FRMPD4: variants seen among roughly 807,000 people sequenced by gnomAD.
The protein encoded by FRMPD4 is FERM and PDZ domain containing 4.
In FRMPD4, 22 loss-of-function variants were observed where a neutral mutation model predicts 94.1. The observed-to-expected ratio is 0.23, with a 90% confidence interval of 0.17 to 0.33. The LOEUF (loss-of-function observed/expected upper bound fraction) is 0.33, where lower values mean the gene tolerates loss of function less well. FRMPD4 is among the 10% of genes least tolerant of loss of function. The pLI is 1.00. For synonymous variants in FRMPD4, 631 were observed against 548.6 expected (o/e 1.15, Z -2.10); for missense variants, 1,111 against 1,339.9 (o/e 0.83, Z 2.67).
chrX:12,002,385 G>C (rs972743207), intron 3 of FRMPD4, among the ~76,000 whole-genome samples: 3 of 111,730 alleles, frequency 2.7e-5, no homozygotes, highest in Admixed American at 9.5e-5. Flanking sequence ...AAATGTGGTA[G>C]CATTATTCCT....
intron 14 of FRMPD4, 71 bp from the exon 15 acceptor site, chrX:12,715,998 G>GCCGGGGGCCC: frequency 1.3e-5 from 5 of 383,857 alleles, no homozygotes; most frequent in East Asian, 4.2e-5. Flanking sequence ...ACAGAGACGA[G>GCCGGGGGCCC]CCTCCCACCC....
At chrX:11,885,870 T>A (rs913718136) in intron 3 of FRMPD4, among the ~76,000 whole-genome samples, 1 of 112,074 alleles carries the variant, frequency 8.9e-6, no homozygotes, top group African/African-American at 3.2e-5. Context: ...CTTAGCAGCA[T>A]AACCCCATAG....
intron 3 of FRMPD4, among the ~76,000 whole-genome samples, chrX:12,072,438 G>T (rs2054977257): frequency 9.0e-6 from 1 of 111,650 alleles, no homozygotes; most frequent in African/African-American, 3.3e-5. Flanking sequence ...CACCCGTACT[G>T]TATGTTGCTC....
chrX:12,110,549 A>G (rs1215153450), intron 3 of FRMPD4, among the ~76,000 whole-genome samples: 1 of 111,466 alleles, frequency 9.0e-6, no homozygotes, highest in Non-Finnish European at 1.9e-5. Flanking sequence ...TACTCAACAT[A>G]GTGTTGGAAG....
chrX:12,640,358 C>T (rs780196655), intron 4 of FRMPD4, among the ~76,000 whole-genome samples: 62 of 104,663 alleles, frequency 5.9e-4, no homozygotes, highest in African/African-American at 1.5e-3. Flanking sequence ...AGGAAGTAGT[C>T]GAAAGGCTTA....
intron 2 of FRMPD4, among the ~76,000 whole-genome samples, chrX:12,574,291 C>T (rs2058787800): frequency 1.8e-5 from 2 of 112,376 alleles, no homozygotes; most frequent in Admixed American, 1.9e-4. Flanking sequence ...TGAGCCACCA[C>T]ACCTGGCCTA....
chrX:11,933,706 G>A (rs1193775842), intron 3 of FRMPD4, among the ~76,000 whole-genome samples: 2 of 111,988 alleles, frequency 1.8e-5, no homozygotes, highest in Admixed American at 9.5e-5. Flanking sequence ...GATTGAAACC[G>A]AGTTTCCAAA....
chrX:11,877,037 C>G (rs1007742961), intron 2 of FRMPD4, among the ~76,000 whole-genome samples: 1 of 111,808 alleles, frequency 8.9e-6, no homozygotes, highest in Admixed American at 9.5e-5. Context: ...TCAATAACGT[C>G]AAGGTTGAGA....
chrX:11,878,868 C>A (rs993737892), intron 3 of FRMPD4, among the ~76,000 whole-genome samples: 6 of 111,780 alleles, frequency 5.4e-5, no homozygotes, highest in Non-Finnish European at 1.9e-5. Context: ...AGTGTTTAAG[C>A]AGGGCAATAC....
rs143442393 is a variant in FRMPD4, at chrX:12,717,850, T to G, written c.3024T>G (p.Thr1008=). Residue 1008 remains threonine, a synonymous_variant, in exon 16 of 17, where the codon ACT becomes ACG. Transcript: ENST00000675598. ...AAACTATGGAGACTAAGTCGGTCAC[T>G]GACTATTTTAGCAAACTGCACATGG... ...EPETMETKSV[T]DYFSKLHMGS... 38 of 1,209,604 alleles carry G rather than the reference T, an allele frequency of 3.1e-5. No homozygotes were observed. The highest frequency in any genetic ancestry group is 1.0e-5 in the Non-Finnish European group (9 of 894,422).
At chrX:12,106,997 A>G (rs2055305371) in intron 3 of FRMPD4, among the ~76,000 whole-genome samples, 1 of 112,146 alleles carries the variant, frequency 8.9e-6, no homozygotes, top group Admixed American at 9.4e-5. Context: ...AACAAAAGGC[A>G]GCAGAAACCT....
intron 1 of FRMPD4, among the ~76,000 whole-genome samples, chrX:12,242,998 C>T (rs181564081): frequency 1.8e-5 from 2 of 112,518 alleles, no homozygotes; most frequent in African/African-American, 6.5e-5. Flanking sequence ...CTTGGCCTCC[C>T]AAAGTGTTAG....
intron 4 of FRMPD4, among the ~76,000 whole-genome samples, chrX:12,655,886 T>A (rs764044329): frequency 8.9e-6 from 1 of 112,254 alleles, no homozygotes; most frequent in East Asian, 2.8e-4. Flanking sequence ...GGAGTCCCAA[T>A]AATTTTCATA....
intron 1 of FRMPD4, among the ~76,000 whole-genome samples, chrX:12,204,213 C>T (rs1445963381): frequency 1.8e-5 from 2 of 112,328 alleles, no homozygotes; most frequent in Non-Finnish European, 3.8e-5. Context: ...GTCAGAGATG[C>T]TACGCTACAT....
At chrX:12,644,817 A>G (rs1251673068) in intron 4 of FRMPD4, among the ~76,000 whole-genome samples, 1 of 111,925 alleles carries the variant, frequency 8.9e-6, no homozygotes, top group Non-Finnish European at 1.9e-5. Flanking sequence ...GTTTCTGGAG[A>G]TCTATATGGA....
rs904108755 is a variant in FRMPD4, at chrX:12,031,436, G to T, written c.95+153418G>T. On this transcript the variant is annotated intron_variant, in intron 3 of 18. Transcript: ENST00000640291. ...GGCTGTGAACTTCCCATTGCAAGGT[G>T]GAAATGATAAGTATAGATGATGAAC... Among the ~76,000 whole-genome samples the T allele has an allele frequency of 4.5e-5, 5 of 112,161 alleles. No individual in the cohort carries two copies. The East Asian group carries it at 1.4e-3, about 31-fold the overall frequency.
At chrX:12,711,235 G>A (rs1336987501) in intron 14 of FRMPD4, among the ~76,000 whole-genome samples, 1 of 111,811 alleles carries the variant, frequency 8.9e-6, no homozygotes, top group Non-Finnish European at 1.9e-5. Flanking sequence ...TCTCCTGATG[G>A]TGTCCTAGGC....
At chrX:12,434,260 T>C (rs2057039966) in intron 1 of FRMPD4, among the ~76,000 whole-genome samples, 1 of 112,554 alleles carries the variant, frequency 8.9e-6, no homozygotes, top group Non-Finnish European at 1.9e-5. Flanking sequence ...AGTGTACCAA[T>C]GAGGATAACT....
At chrX:12,552,593 C>T (rs1461962636) in intron 2 of FRMPD4, among the ~76,000 whole-genome samples, 3 of 111,759 alleles carry the variant, frequency 2.7e-5, no homozygotes, top group African/African-American at 9.7e-5. Flanking sequence ...GAAATGTTTC[C>T]TTTCTTTATA....
Sources: gnomAD v4.1 joint callset for allele counts (sites outside exome capture counted in the v4.1 genomes callset) on GRCh38, gnomAD v4.1.1 for gene constraint, MANE v1.5 for transcripts, NCBI Gene and HGNC (gene_info 2026-07-23, HGNC 2026-07-21) for gene names.